Variants in ZBTB20 observed in about 807,000 individuals in gnomAD.
ZBTB20 encodes zinc finger and BTB domain-containing protein 20.
ZBTB20 carries 9 observed loss-of-function variants against 56.9 expected under a neutral mutation model. That is an observed-to-expected ratio of 0.16 (90% CI 0.10 to 0.28). The LOEUF (loss-of-function observed/expected upper bound fraction) is 0.28, where lower values mean the gene tolerates loss of function less well. Among genes scored for constraint, ZBTB20 ranks in the 10% least tolerant of loss-of-function variants. The pLI, the probability that ZBTB20 is intolerant of heterozygous loss-of-function variation, is 1.00. For synonymous variants in ZBTB20, 417 were observed against 420.7 expected (o/e 0.99, Z 0.11); for missense variants, 655 against 1,003.0 (o/e 0.65, Z 4.69).
intron 1 of ZBTB20, among the ~76,000 whole-genome samples, chr3:115,123,770 A>G (rs1452364335): frequency 6.6e-6 from 1 of 152,202 alleles, no homozygotes; most frequent in Admixed American, 6.5e-5. Flanking sequence ...TTATTCCAAG[A>G]CTGGCTTTGA....
At chr3:114,972,066 A>G (rs2077906667) in intron 3 of ZBTB20, among the ~76,000 whole-genome samples, 1 of 152,232 alleles carries the variant, frequency 6.6e-6, no homozygotes, top group African/African-American at 2.4e-5. Flanking sequence ...ATGTTGACCA[A>G]CACTTACCTT....
At position 114,813,708 on chromosome 3, in the gene ZBTB20, A is replaced by C. The variant is rs565532895; in HGVS notation, c.-416-12534T>G. 2.3e-3 allele frequency among the ~76,000 whole-genome samples: 344 copies of C among 152,284 alleles called. 1 individual carries two copies. The highest frequency in any genetic ancestry group is 7.2e-3 in the African/African-American group (300 of 41,564). ...GGAGGTTGCAGTGAGTCAAGATGGC[A>C]CCACTGCACTCCAGCCTGGGTGACA... On this transcript the variant is annotated intron_variant, in intron 4 of 11. Coordinates refer to ENST00000675478, the MANE Select transcript of ZBTB20 (RefSeq NM_001348800.3).
intron 4 of ZBTB20, among the ~76,000 whole-genome samples, chr3:114,815,719 TAC>T (rs966503505): frequency 6.6e-6 from 1 of 152,046 alleles, no homozygotes; most frequent in Non-Finnish European, 1.5e-5. Flanking sequence ...GGAGATTTTA[TAC>T]ACACACACAA....
intron 5 of ZBTB20, among the ~76,000 whole-genome samples, chr3:114,773,770 C>G (rs1560233728): frequency 6.6e-6 from 1 of 152,026 alleles, no homozygotes; most frequent in Non-Finnish European, 1.5e-5. Flanking sequence ...GCAAATGTAC[C>G]CAAAATTCAC....
intron 6 of ZBTB20, among the ~76,000 whole-genome samples, chr3:114,592,437 T>A (rs1473828055): frequency 6.6e-6 from 1 of 152,220 alleles, no homozygotes; most frequent in African/African-American, 2.4e-5. Context: ...GAGTTCTATG[T>A]CTATAACTTG....
chr3:114,813,381 T>C (rs2108887563), intron 4 of ZBTB20, among the ~76,000 whole-genome samples: 1 of 152,372 alleles, frequency 6.6e-6, no homozygotes, highest in African/African-American at 2.4e-5. Flanking sequence ...CGATTGTTTT[T>C]ATTAGGCTTT....
intron 5 of ZBTB20, among the ~76,000 whole-genome samples, chr3:114,741,162 G>C (rs1560192694): frequency 6.6e-6 from 1 of 152,026 alleles, no homozygotes; most frequent in Non-Finnish European, 1.5e-5. Flanking sequence ...AAGCTTAATG[G>C]AAAAAAATGT....
chr3:114,453,678 A>T (rs912924008), intron 7 of ZBTB20: 7 of 152,154 alleles, frequency 4.6e-5, no homozygotes, highest in African/African-American at 1.7e-4. Flanking sequence ...GAGCATAAGA[A>T]CAGTTGGATT....
chr3:114,640,012 A>ATT (rs150441867), intron 6 of ZBTB20, among the ~76,000 whole-genome samples: 4 of 151,642 alleles, frequency 2.6e-5, no homozygotes, highest in African/African-American at 7.3e-5. Context: ...TAGTAGTTTA[A>ATT]TTTTTTTTTA....
Position 114,382,729 on chromosome 3 carries a change from G to A in ZBTB20, c.-153-1789C>T, listed in dbSNP as rs60848691. 9.1e-3 allele frequency among the ~76,000 whole-genome samples: 1,379 copies of A among 151,954 alleles called. 18 individuals are homozygous for A. The highest frequency in any genetic ancestry group is 0.031 in the African/African-American group (1,293 of 41,420). On this transcript the variant is annotated intron_variant, in intron 8 of 11. Coordinates refer to ENST00000675478, the MANE Select transcript of ZBTB20 (RefSeq NM_001348800.3). ...TTTTATTTCAATAATGGCTATTTATGTGCATATCCCTCTTGTGAGACTGTA... is the reference window on the plus strand; with the variant it reads ...TTTTATTTCAATAATGGCTATTTATATGCATATCCCTCTTGTGAGACTGTA...
chr3:114,578,962 T>C (rs1217281033), intron 6 of ZBTB20, among the ~76,000 whole-genome samples: 1 of 151,732 alleles, frequency 6.6e-6, no homozygotes, highest in African/African-American at 2.4e-5. Flanking sequence ...AAACTAAAAC[T>C]TCATACACAA....
Position 115,091,112 on chromosome 3 carries a change from A to G in ZBTB20, c.-702-19698T>C, listed in dbSNP as rs551934285. ...GAGCTCAATTAACCAAAAACAAATG[A>G]ACAAAAAAGTGAAAAACAAATAAAA... is the stretch of plus-strand genomic sequence containing the variant. On this transcript the variant is annotated intron_variant, in intron 1 of 11. Coordinates refer to ENST00000675478, the MANE Select transcript of ZBTB20 (RefSeq NM_001348800.3). 4.6e-5 allele frequency among the ~76,000 whole-genome samples: 7 copies of G among 151,870 alleles called. No homozygotes were observed. The South Asian group carries it at 1.5e-3, about 32-fold the overall frequency.
intron 10 of ZBTB20, among the ~76,000 whole-genome samples, chr3:114,362,904 A>G (rs2082036535): frequency 6.6e-6 from 1 of 152,220 alleles, no homozygotes; most frequent in Non-Finnish European, 1.5e-5. Context: ...ATATCTATCA[A>G]TCAGCATTGA....
At chr3:115,069,173 T>G (rs2082313877) in intron 2 of ZBTB20, among the ~76,000 whole-genome samples, 1 of 152,146 alleles carries the variant, frequency 6.6e-6, no homozygotes, top group East Asian at 1.9e-4. Flanking sequence ...ACTTACAACC[T>G]AGCAGTCAGC....
chr3:114,597,011 C>T (rs540767401), intron 6 of ZBTB20, among the ~76,000 whole-genome samples: 3 of 152,236 alleles, frequency 2.0e-5, no homozygotes, highest in South Asian at 2.1e-4. Flanking sequence ...AATATAAATA[C>T]TTCCCGACTC....
At chr3:114,655,002 T>C (rs939365277) in intron 6 of ZBTB20, among the ~76,000 whole-genome samples, 3 of 152,128 alleles carry the variant, frequency 2.0e-5, no homozygotes, top group Non-Finnish European at 4.4e-5. Flanking sequence ...TATCTTTCTA[T>C]CTTTTCACTC....
chr3:114,749,375 A>T (rs1203615689), intron 5 of ZBTB20, among the ~76,000 whole-genome samples: 5 of 152,124 alleles, frequency 3.3e-5, no homozygotes, highest in Non-Finnish European at 5.9e-5. Context: ...AACATAGTGA[A>T]ACCCCGTCGC....
chr3:114,564,981 C>T (rs1297699149), intron 6 of ZBTB20, among the ~76,000 whole-genome samples: 4 of 152,184 alleles, frequency 2.6e-5, no homozygotes, highest in Non-Finnish European at 5.9e-5. Context: ...ACCTACATCT[C>T]CCTTGTCCAT....
At chr3:115,109,781 ATTTG>A (rs1371633124) in intron 1 of ZBTB20, among the ~76,000 whole-genome samples, 5 of 152,210 alleles carry the variant, frequency 3.3e-5, no homozygotes, top group African/African-American at 1.2e-4. Flanking sequence ...AAAATTTTAT[ATTTG>A]TTTGAGGAAA....
Sources: gnomAD v4.1 joint callset for allele counts (sites outside exome capture counted in the v4.1 genomes callset) on GRCh38, gnomAD v4.1.1 for gene constraint, MANE v1.5 for transcripts, NCBI Gene and HGNC (gene_info 2026-07-23, HGNC 2026-07-21) for gene names.